Variants in LRBA observed in about 807,000 individuals in gnomAD.
LRBA encodes the protein lipopolysaccharide-responsive and beige-like anchor protein.
LRBA carries 176 observed loss-of-function variants against 330.0 expected under a neutral mutation model. The ratio of observed to expected loss-of-function variants is 0.53; its 90% confidence interval spans 0.47 to 0.60. The LOEUF is 0.60. Among genes scored for constraint, LRBA ranks in the 20% least tolerant of loss-of-function variants. The pLI is 0.00. For synonymous variants in LRBA, 1,230 were observed against 1,193.0 expected, an observed-to-expected ratio of 1.03 and a Z score of -0.64; for missense variants, 3,259 against 3,444.8, an observed-to-expected ratio of 0.95 and a Z score of 1.35.
At chr4:150,371,532 T>G (rs1740323138) in intron 47 of LRBA, among the ~76,000 whole-genome samples, 1 of 152,064 alleles carries the variant, frequency 6.6e-6, no homozygotes, top group African/African-American at 2.4e-5. Flanking sequence ...CTTATTATGT[T>G]CAGGGTACTC....
chr4:150,742,650 C>G (rs1455518255), intron 35 of LRBA, among the ~76,000 whole-genome samples: 1 of 151,984 alleles, frequency 6.6e-6, no homozygotes, highest in Non-Finnish European at 1.5e-5. Context: ...ACAATCCCAG[C>G]ACGTAGAAAA....
At chr4:150,880,345 C>T (rs1439345821) in intron 17 of LRBA, among the ~76,000 whole-genome samples, 1 of 152,094 alleles carries the variant, frequency 6.6e-6, no homozygotes, top group Middle Eastern at 3.2e-3. Context: ...CGTGGTGAAA[C>T]TCTGTCTCTA....
chr4:150,564,798 A>G (rs1768908625), intron 40 of LRBA, among the ~76,000 whole-genome samples: 1 of 152,202 alleles, frequency 6.6e-6, no homozygotes. Flanking sequence ...ATCACTGATC[A>G]CTAGAGAAAT....
At chr4:150,580,655 G>A (rs1014104578) in intron 40 of LRBA, 2 of 152,058 alleles carry the variant, frequency 1.3e-5, no homozygotes, top group Non-Finnish European at 2.9e-5. Context: ...CCTGAAATAC[G>A]TTAAAAAGAT....
At chr4:150,616,285 A>G (rs927872180) in intron 37 of LRBA, among the ~76,000 whole-genome samples, 1 of 152,212 alleles carries the variant, frequency 6.6e-6, no homozygotes, top group African/African-American at 2.4e-5. Flanking sequence ...AGAAAATGGA[A>G]AAGTAAAAGT....
At chr4:150,916,093 T>C (rs919972574) in intron 7 of LRBA, among the ~76,000 whole-genome samples, 3 of 152,200 alleles carry the variant, frequency 2.0e-5, no homozygotes, top group Admixed American at 1.3e-4. Context: ...ATTTTGTTGA[T>C]GAACCATTTA....
chr4:150,577,841 A>C (rs1770740689), intron 40 of LRBA, among the ~76,000 whole-genome samples: 1 of 152,208 alleles, frequency 6.6e-6, no homozygotes, highest in Non-Finnish European at 1.5e-5. Flanking sequence ...ACAGTTTAAG[A>C]ATTTTGTATT....
At chr4:150,424,724 G>A (rs1223188292) in intron 46 of LRBA, among the ~76,000 whole-genome samples, 1 of 152,196 alleles carries the variant, frequency 6.6e-6, no homozygotes, top group Non-Finnish European at 1.5e-5. Flanking sequence ...AGAAACCAGA[G>A]TACCTGGAAA....
chr4:150,980,922 T>G (rs1740758513), intron 2 of LRBA, among the ~76,000 whole-genome samples: 1 of 151,606 alleles, frequency 6.6e-6, no homozygotes, highest in African/African-American at 2.4e-5. Context: ...AACCAAAGAA[T>G]TAAAAGATCT....
chr4:150,743,308 A>G (rs1388733438), intron 35 of LRBA, among the ~76,000 whole-genome samples: 1 of 152,194 alleles, frequency 6.6e-6, no homozygotes, highest in East Asian at 1.9e-4. Flanking sequence ...ATGTTCCCAC[A>G]ATGCAGAAAA....
chr4:150,878,338 A>G (rs1024726550), intron 17 of LRBA, among the ~76,000 whole-genome samples: 2 of 151,790 alleles, frequency 1.3e-5, no homozygotes, highest in African/African-American at 4.8e-5. Context: ...GACTGTCTCA[A>G]AAAAAAAGGA....
At chr4:150,905,803 T>C (rs1396071179) in intron 13 of LRBA, 35 bp downstream of exon 13, 6 of 1,531,898 alleles carry the variant, frequency 3.9e-6, no homozygotes, top group Admixed American at 1.8e-5. Context: ...ACAGCAAAGA[T>C]AGTAAAACAA....
chr4:150,972,044 A>C (rs187952995), intron 2 of LRBA, among the ~76,000 whole-genome samples: 30 of 152,304 alleles, frequency 2.0e-4, no homozygotes, highest in African/African-American at 7.0e-4. Flanking sequence ...ATTCTCTTAT[A>C]AGTACCTTAC....
At chr4:150,870,823 T>C (rs1246699912) in intron 19 of LRBA, among the ~76,000 whole-genome samples, 1 of 152,176 alleles carries the variant, frequency 6.6e-6, no homozygotes, top group African/African-American at 2.4e-5. Flanking sequence ...AGACATCAAA[T>C]AGTTAATAAA....
chr4:150,791,917 T>A (rs1282032497), intron 34 of LRBA, among the ~76,000 whole-genome samples: 2 of 149,036 alleles, frequency 1.3e-5, no homozygotes, highest in African/African-American at 5.0e-5. Context: ...TAGTCCCAGC[T>A]GCTCGGGAGG....
intron 22 of LRBA, among the ~76,000 whole-genome samples, chr4:150,860,148 T>C (rs868637402): frequency 2.6e-5 from 4 of 152,148 alleles, no homozygotes; most frequent in Non-Finnish European, 5.9e-5. Flanking sequence ...AATTACTTTG[T>C]ATAAGCCTCA....
intron 4 of LRBA, among the ~76,000 whole-genome samples, chr4:150,921,990 T>G (rs1280223326): frequency 1.3e-5 from 2 of 152,138 alleles, no homozygotes; most frequent in African/African-American, 4.8e-5. Flanking sequence ...CCCAAAGTGG[T>G]GGGATTACAG....
At chr4:150,902,335 T>C (rs1730832435) in intron 13 of LRBA, among the ~76,000 whole-genome samples, 2 of 152,182 alleles carry the variant, frequency 1.3e-5, no homozygotes, top group African/African-American at 2.4e-5. Context: ...GTTCTCAATC[T>C]TGACTGCACA....
At chr4:150,666,573 G>A (rs1203521277) in intron 37 of LRBA, among the ~76,000 whole-genome samples, 3 of 152,088 alleles carry the variant, frequency 2.0e-5, no homozygotes, top group Non-Finnish European at 4.4e-5. Context: ...TACATAGCAT[G>A]AACATTGTAT....
Sources: allele counts gnomAD v4.1 joint callset (sites outside exome capture counted in the v4.1 genomes callset), GRCh38; gene constraint gnomAD v4.1.1; transcripts MANE v1.5; gene names NCBI Gene and HGNC (gene_info 2026-07-23, HGNC 2026-07-21).